Variants in INPP4B observed in about 807,000 individuals in gnomAD.
INPP4B encodes inositol polyphosphate-4-phosphatase type II B.
INPP4B carries 55 observed loss-of-function variants against 122.5 expected under a neutral mutation model. That is an observed-to-expected ratio of 0.45 (90% CI 0.36 to 0.56). The LOEUF (loss-of-function observed/expected upper bound fraction) is 0.56, where lower values mean the gene tolerates loss of function less well. INPP4B is among the 20% of genes least tolerant of loss of function. INPP4B has a pLI of 0.00. For synonymous variants in INPP4B, 403 were observed against 388.7 expected (o/e 1.04, Z -0.43); for missense variants, 1,000 against 1,097.7 (o/e 0.91, Z 1.26).
intron 2 of INPP4B, among the ~76,000 whole-genome samples, chr4:142,702,342 A>G (rs925957328): frequency 3.9e-5 from 6 of 152,150 alleles, no homozygotes; most frequent in African/African-American, 1.4e-4. Flanking sequence ...ACTCTTCTTT[A>G]TTCCAGTCTT....
At chr4:142,090,797 A>G (rs1221656179) in intron 23 of INPP4B, among the ~76,000 whole-genome samples, 1 of 152,178 alleles carries the variant, frequency 6.6e-6, no homozygotes. Flanking sequence ...TTAAATAGCA[A>G]AAAAGCTTTA....
intron 2 of INPP4B, among the ~76,000 whole-genome samples, chr4:142,469,032 T>C (rs934380234): frequency 3.9e-5 from 6 of 152,198 alleles, no homozygotes; most frequent in African/African-American, 1.4e-4. Context: ...GTTTTAAAAA[T>C]CTTATAGTTG....
intron 2 of INPP4B, among the ~76,000 whole-genome samples, chr4:142,587,831 T>C (rs1736559366): frequency 6.6e-6 from 1 of 152,030 alleles, no homozygotes; most frequent in Admixed American, 6.6e-5. Context: ...TTCCTCTTAT[T>C]CTATTATGAC....
chr4:142,405,374 A>G (rs778168514), intron 5 of INPP4B, 50 bp from the exon 6 acceptor site: 14 of 1,107,896 alleles, frequency 1.3e-5, no homozygotes, highest in Admixed American at 1.7e-5. Context: ...ACCATATCTC[A>G]GGGAAAACTT....
chr4:142,141,046 G>C (rs192193384), intron 18 of INPP4B, among the ~76,000 whole-genome samples: 27 of 152,258 alleles, frequency 1.8e-4, no homozygotes, highest in African/African-American at 5.5e-4. Context: ...CTATTCCTTT[G>C]AAAAATGATT....
intron 9 of INPP4B, among the ~76,000 whole-genome samples, chr4:142,272,378 C>T (rs1746287652): frequency 6.6e-6 from 1 of 151,546 alleles, no homozygotes; most frequent in South Asian, 2.1e-4. Context: ...ATAGCATGTA[C>T]ACAGCTGATT....
chr4:142,427,455 A>G, intron 5 of INPP4B: 2 of 677,164 alleles, frequency 3.0e-6, no homozygotes, highest in Non-Finnish European at 5.4e-6. Flanking sequence ...GCAGCTGCTA[A>G]TCTCTTAATT....
At chr4:142,464,238 T>C (rs1817295707) in intron 2 of INPP4B, among the ~76,000 whole-genome samples, 1 of 152,172 alleles carries the variant, frequency 6.6e-6, no homozygotes, top group South Asian at 2.1e-4. Context: ...TCTATTTTAT[T>C]ATCAGGAATA....
chr4:142,497,586 G>T (rs1822755590), intron 2 of INPP4B, among the ~76,000 whole-genome samples: 1 of 152,070 alleles, frequency 6.6e-6, no homozygotes, highest in Non-Finnish European at 1.5e-5. Flanking sequence ...CAGGCTAAAA[G>T]CATCAAAGTT....
At chr4:142,525,103 C>G (rs1412111183) in intron 2 of INPP4B, among the ~76,000 whole-genome samples, 1 of 150,082 alleles carries the variant, frequency 6.7e-6, no homozygotes, top group Non-Finnish European at 1.5e-5. Context: ...AACAGACAAA[C>G]AGAGAGCCAA....
chr4:142,493,753 T>C (rs1051315436), intron 2 of INPP4B, among the ~76,000 whole-genome samples: 11 of 152,140 alleles, frequency 7.2e-5, no homozygotes, highest in Admixed American at 6.5e-4. Flanking sequence ...GATGAGACTT[T>C]GGACTTGTAC....
At chr4:142,123,701 A>G (rs957335805) in intron 19 of INPP4B, among the ~76,000 whole-genome samples, 3 of 152,178 alleles carry the variant, frequency 2.0e-5, no homozygotes, top group African/African-American at 7.2e-5. Flanking sequence ...CAGTAAATTC[A>G]TAAACACTTA....
chr4:142,062,010 T>A (rs2152439926), intron 25 of INPP4B, among the ~76,000 whole-genome samples: 1 of 151,800 alleles, frequency 6.6e-6, no homozygotes, highest in Non-Finnish European at 1.5e-5. Flanking sequence ...CTCTTCAATT[T>A]CAGTTACTTT....
intron 2 of INPP4B, among the ~76,000 whole-genome samples, chr4:142,595,570 GT>G (rs1738516290): frequency 6.6e-6 from 1 of 152,048 alleles, no homozygotes; most frequent in South Asian, 2.1e-4. Flanking sequence ...GCAAAAATTG[GT>G]TTTTTTGAGA....
intron 1 of INPP4B, among the ~76,000 whole-genome samples, chr4:142,833,726 T>C (rs1218143782): frequency 6.6e-6 from 1 of 151,968 alleles, no homozygotes; most frequent in Admixed American, 6.6e-5. Flanking sequence ...CAGCACCAGG[T>C]CTTTTTAATA....
intron 25 of INPP4B, among the ~76,000 whole-genome samples, chr4:142,069,998 C>A (rs917874626): frequency 2.6e-5 from 4 of 152,170 alleles, no homozygotes; most frequent in Non-Finnish European, 5.9e-5. Flanking sequence ...AGGCCAGCAT[C>A]ATCTTCATAC....
At chr4:142,725,772 G>A in intron 2 of INPP4B, 67 bp downstream of exon 2, 1 of 396,302 alleles carries the variant, frequency 2.5e-6, no homozygotes, top group Non-Finnish European at 4.5e-6. Context: ...GAATAATCAA[G>A]GAAAGTCAAC....
chr4:142,594,444 A>G (rs1318545837), intron 2 of INPP4B, among the ~76,000 whole-genome samples: 1 of 152,214 alleles, frequency 6.6e-6, no homozygotes, highest in Non-Finnish European at 1.5e-5. Context: ...AAAATTCTGT[A>G]AGGTGGATAT....
chr4:142,294,829 C>CAAAAAAGAAAAAAAAAA (rs1757908662), intron 9 of INPP4B, among the ~76,000 whole-genome samples: 1 of 28,462 alleles, frequency 3.5e-5, no homozygotes. Flanking sequence ...GACTCCGTCT[C>CAAAAAAGAAAAAAAAAA]AAAAAAAAAA....
Sources: gnomAD v4.1 joint callset for allele counts (sites outside exome capture counted in the v4.1 genomes callset) on GRCh38, gnomAD v4.1.1 for gene constraint, MANE v1.5 for transcripts, NCBI Gene and HGNC (gene_info 2026-07-23, HGNC 2026-07-21) for gene names.